STPG2: variants seen among roughly 807,000 people sequenced by gnomAD.
STPG2 encodes sperm-tail PG-rich repeat-containing protein 2.
In STPG2, 56 loss-of-function variants were observed where a neutral mutation model predicts 54.2. That is an observed-to-expected ratio of 1.03 (90% CI 0.83 to 1.29). STPG2 has a LOEUF of 1.29. Among genes scored for constraint, STPG2 ranks in the 50% most tolerant of loss-of-function variants. The pLI is 0.00. For synonymous variants in STPG2, 200 were observed against 181.8 expected (o/e 1.10, Z -0.81); for missense variants, 596 against 544.9 (o/e 1.09, Z -0.93).
chr4:97,697,435 C>A (rs962931352), intron 10 of STPG2, among the ~76,000 whole-genome samples: 1 of 152,134 alleles, frequency 6.6e-6, no homozygotes, highest in South Asian at 2.1e-4. Context: ...CAGCTAGTAA[C>A]CCATTACAAT....
intron 10 of STPG2, among the ~76,000 whole-genome samples, chr4:97,676,118 A>G (rs1272419988): frequency 6.8e-6 from 1 of 146,956 alleles, no homozygotes; most frequent in African/African-American, 2.5e-5. Flanking sequence ...TATGTAGTGT[A>G]TATATATATT....
At chr4:97,910,200 G>A (rs1731624612) in intron 8 of STPG2, among the ~76,000 whole-genome samples, 1 of 152,140 alleles carries the variant, frequency 6.6e-6, no homozygotes, top group Non-Finnish European at 1.5e-5. Flanking sequence ...ACCACCGGGT[G>A]CTGCAGAAAC....
chr4:97,750,612 A>C (rs1042800330), intron 9 of STPG2, among the ~76,000 whole-genome samples: 1 of 151,746 alleles, frequency 6.6e-6, no homozygotes, highest in Non-Finnish European at 1.5e-5. Flanking sequence ...AGCAGTAACA[A>C]GAAAGATAAA....
At chr4:97,874,598 A>G (rs961324408) in intron 8 of STPG2, among the ~76,000 whole-genome samples, 1 of 151,824 alleles carries the variant, frequency 6.6e-6, no homozygotes, top group Non-Finnish European at 1.5e-5. Flanking sequence ...GAGTTTTATA[A>G]AAACAGATTC....
chr4:97,784,115 A>T (rs1726747308), intron 9 of STPG2, among the ~76,000 whole-genome samples: 1 of 151,842 alleles, frequency 6.6e-6, no homozygotes, highest in Non-Finnish European at 1.5e-5. Context: ...AGTATCTGGA[A>T]CCAAATAAAA....
At chr4:97,909,582 G>A (rs1176352679) in intron 8 of STPG2, among the ~76,000 whole-genome samples, 1 of 152,064 alleles carries the variant, frequency 6.6e-6, no homozygotes, top group African/African-American at 2.4e-5. Flanking sequence ...AAATAGTGCT[G>A]TGACATATTA....
chr4:98,129,907 G>A (rs1483580163), intron 2 of STPG2, among the ~76,000 whole-genome samples: 1 of 152,116 alleles, frequency 6.6e-6, no homozygotes, highest in Non-Finnish European at 1.5e-5. Context: ...GCCCAGGCTG[G>A]AGTGCAGTGG....
intron 9 of STPG2, among the ~76,000 whole-genome samples, chr4:97,760,758 A>G (rs1487939577): frequency 6.6e-6 from 1 of 152,214 alleles, no homozygotes; most frequent in Non-Finnish European, 1.5e-5. Context: ...TACCACAAAT[A>G]TAGTGGCTTA....
At position 97,457,762 on chromosome 4, in the gene STPG2, A is replaced by T. The variant is rs528705222; in HGVS notation, c.462+254937T>A. Among the ~76,000 whole-genome samples, 10 of 152,364 alleles carry T rather than the reference A, an allele frequency of 6.6e-5. No individual in the cohort carries two copies. The East Asian group carries it at 1.9e-3, about 29-fold the overall frequency. On this transcript the variant is annotated intron_variant, in intron 4 of 4. Transcript: ENST00000522676. ...AAGTAGAATAAGTATATGAAGAGAC[A>T]GCTTGGGTTTGGAAAAGACTAAAAA...
At chr4:97,913,541 TATA>T (rs1227822512) in intron 8 of STPG2, among the ~76,000 whole-genome samples, 3 of 152,110 alleles carry the variant, frequency 2.0e-5, no homozygotes, top group Non-Finnish European at 4.4e-5. Context: ...TCCTTGCGCA[TATA>T]ATAATGATAG....
intron 10 of STPG2, among the ~76,000 whole-genome samples, chr4:97,682,283 C>G (rs879886505): frequency 6.6e-6 from 1 of 151,762 alleles, no homozygotes; most frequent in Non-Finnish European, 1.5e-5. Flanking sequence ...TAAGATGGTC[C>G]TTTCTCATTG....
chr4:97,559,960 G>T (rs1732181475), intron 10 of STPG2, among the ~76,000 whole-genome samples: 1 of 152,070 alleles, frequency 6.6e-6, no homozygotes, highest in Non-Finnish European at 1.5e-5. Flanking sequence ...CTCAACTGAT[G>T]CAAGTCATTT....
chr4:97,786,327 T>A (rs1285531679), intron 9 of STPG2, among the ~76,000 whole-genome samples: 1 of 152,080 alleles, frequency 6.6e-6, no homozygotes, highest in African/African-American at 2.4e-5. Context: ...ACTTTCTTAA[T>A]TTTTTTCAGT....
intron 8 of STPG2, among the ~76,000 whole-genome samples, chr4:97,862,363 T>C (rs1560559916): frequency 6.6e-6 from 1 of 152,092 alleles, no homozygotes; most frequent in Non-Finnish European, 1.5e-5. Context: ...CATTACATAA[T>C]GGTAAACGGA....
chr4:97,470,494 G>A (rs1729897153), intron 4 of STPG2, among the ~76,000 whole-genome samples: 1 of 151,928 alleles, frequency 6.6e-6, no homozygotes, highest in Non-Finnish European at 1.5e-5. Flanking sequence ...TCATCTGTGG[G>A]GAATATGTTT....
chr4:97,979,077 G>A (rs1181694912), intron 6 of STPG2, among the ~76,000 whole-genome samples: 2 of 152,164 alleles, frequency 1.3e-5, no homozygotes, highest in East Asian at 1.9e-4. Context: ...CTAAGAAAAT[G>A]TAACTGTGGC....
intron 8 of STPG2, among the ~76,000 whole-genome samples, chr4:97,928,656 G>C (rs1732425615): frequency 6.6e-6 from 1 of 151,826 alleles, no homozygotes; most frequent in Non-Finnish European, 1.5e-5. Context: ...ATTTTGTTTG[G>C]GTTAGTTTTG....
chr4:97,943,377 A>G (rs1217446853), intron 8 of STPG2, among the ~76,000 whole-genome samples: 1 of 152,154 alleles, frequency 6.6e-6, no homozygotes, highest in East Asian at 1.9e-4. Context: ...TGAATTGCTC[A>G]ACTACTAATT....
intron 10 of STPG2, among the ~76,000 whole-genome samples, chr4:97,689,188 G>T (rs1018109503): frequency 6.6e-6 from 1 of 151,960 alleles, no homozygotes; most frequent in African/African-American, 2.4e-5. Flanking sequence ...TAAAAGAAAT[G>T]ATGTAAAACT....
Sources: gnomAD v4.1 joint callset for allele counts (sites outside exome capture counted in the v4.1 genomes callset) on GRCh38, gnomAD v4.1.1 for gene constraint, MANE v1.5 for transcripts, NCBI Gene and HGNC (gene_info 2026-07-23, HGNC 2026-07-21) for gene names.